STAT5B: variants seen among roughly 807,000 people sequenced by gnomAD.
The protein encoded by STAT5B is transcription factor STAT5B.
Under a neutral mutation model 107.8 loss-of-function variants are expected in STAT5B, and 21 were observed. The observed-to-expected ratio is 0.19, with a 90% confidence interval of 0.14 to 0.28. The LOEUF is 0.28. STAT5B is among the 10% of genes least tolerant of loss of function. STAT5B has a pLI of 1.00. For synonymous variants in STAT5B, 325 were observed against 401.7 expected (o/e 0.81, Z 2.28); for missense variants, 565 against 1,008.2 (o/e 0.56, Z 5.95).
chr17:42,264,462 G>GT, intron 1 of STAT5B, among the ~76,000 whole-genome samples: 1 of 149,506 alleles, frequency 6.7e-6, no homozygotes, highest in Non-Finnish European at 1.5e-5. Context: ...GTGGTGTTTG[G>GT]TTTTTTGTTC....
intron 11 of STAT5B, 38 bp downstream of exon 11, chr17:42,217,122 C>G (rs1420968702): frequency 1.9e-6 from 3 of 1,592,264 alleles, no homozygotes; most frequent in Non-Finnish European, 2.6e-6. Flanking sequence ...CACACACACA[C>G]ACGCACACGC....
upstream of STAT5B, among the ~76,000 whole-genome samples, chr17:42,279,191 A>G (rs1455768536): frequency 7.2e-6 from 1 of 138,024 alleles, no homozygotes; most frequent in African/African-American, 2.8e-5. Flanking sequence ...TCAAAAAAAG[A>G]AAAAAAAAAA....
At chr17:42,262,934 GTATATATA>G (rs1177579162) in intron 1 of STAT5B, among the ~76,000 whole-genome samples, 18 of 36,820 alleles carry the variant, frequency 4.9e-4, no homozygotes, top group African/African-American at 1.6e-3. Context: ...ATATATATAT[GTATATATA>G]TGTGTGTGTG....
chr17:42,213,351 C>T (rs1464738082), intron 12 of STAT5B, among the ~76,000 whole-genome samples: 2 of 151,978 alleles, frequency 1.3e-5, no homozygotes, highest in African/African-American at 2.4e-5. Context: ...GGACTACAGG[C>T]GTGCACCACC....
At chr17:42,211,037 C>T (rs577707138) in intron 13 of STAT5B, among the ~76,000 whole-genome samples, 1 of 151,638 alleles carries the variant, frequency 6.6e-6, no homozygotes, top group South Asian at 2.1e-4. Flanking sequence ...CCCGTCTCTA[C>T]TAAAAATACA....
chr17:42,253,873 C>A (rs1406448195), intron 1 of STAT5B, among the ~76,000 whole-genome samples: 1 of 152,140 alleles, frequency 6.6e-6, no homozygotes, highest in Non-Finnish European at 1.5e-5. Context: ...GTCAATACTT[C>A]TGTCTCTGGC....
Position 42,216,016 on chromosome 17 carries a change from G to C in STAT5B, c.1471C>G (p.Pro491Ala). 1.9e-6 allele frequency: 3 copies of C among 1,613,948 alleles called. No individual in the cohort carries two copies. The highest frequency in any genetic ancestry group is 2.5e-6 in the Non-Finnish European group (3 of 1,179,942). ...TVLWDNAFAEPGRVPFAVPDK... is the reference protein window; with the variant it reads ...TVLWDNAFAEAGRVPFAVPDK... ...ACATGCCCGAGGAATACACTCACAG[G>C]CTCTGCAAAAGCATTGTCCCAGAGA... The change falls in exon 12 of 19, where the codon CCT becomes GCT. Residue 491 changes from proline (P) to alanine (A), a missense_variant and splice_region_variant. By Grantham distance (27) the Pro-to-Ala change is conservative. Coordinates refer to ENST00000293328, the MANE Select transcript of STAT5B (RefSeq NM_012448.4).
the STAT5B span, among the ~76,000 whole-genome samples, chr17:42,282,309 T>C: frequency 3.3e-5 from 5 of 150,718 alleles, no homozygotes; most frequent in Admixed American, 2.0e-4. Flanking sequence ...GCACCTACAA[T>C]GCACCAGCCA....
intron 16 of STAT5B, among the ~76,000 whole-genome samples, chr17:42,204,772 G>C (rs2080072809): frequency 6.6e-6 from 1 of 152,190 alleles, no homozygotes. Context: ...GCGCCACCAA[G>C]CGCAGCTAAC....
chr17:42,223,543 G>A lies in STAT5B; in HGVS notation c.389C>T (p.Ala130Val), dbSNP rs2277619. The change falls in exon 5 of 19, where the codon GCT (alanine) becomes GTT (valine). Residue 130 changes from alanine (A) to valine (V), a missense_variant. Physicochemically the swap from Ala to Val is moderately conservative, Grantham distance 64. This residue lies in a region of STAT5B where 54 missense variants were observed against 49.7 expected (regional missense o/e 1.09). Coordinates refer to ENST00000293328, the MANE Select transcript of STAT5B (RefSeq NM_012448.4). ...VREANNGSSPAGSLADAMSQK... is the reference protein window; with the variant it reads ...VREANNGSSPVGSLADAMSQK... The stretch of plus-strand genomic sequence containing the variant: ...GGACATGGCATCAGCAAGGCTTCCA[G>A]CTGGAGAGCTACCCTGGGAACATAT... 2.5e-4 allele frequency: 403 copies of A among 1,614,154 alleles called. 1 individual carries two copies. The East Asian group carries it at 8.8e-3, about 35-fold the overall frequency.
chr17:42,282,533 C>G, the STAT5B span, among the ~76,000 whole-genome samples: 7,022 of 152,130 alleles, frequency 0.046, 496 homozygotes, highest in African/African-American at 0.16. Context: ...CATGCTGAGT[C>G]TGTGCTGGCT....
intron 1 of STAT5B, among the ~76,000 whole-genome samples, chr17:42,251,394 G>C (rs2080498478): frequency 6.6e-6 from 1 of 152,080 alleles, no homozygotes; most frequent in Admixed American, 6.6e-5. Context: ...ATTCCTTAAG[G>C]GGCTTCCATT....
intron 1 of STAT5B, among the ~76,000 whole-genome samples, chr17:42,238,457 T>C (rs1320381029): frequency 6.8e-6 from 1 of 146,388 alleles, no homozygotes; most frequent in Non-Finnish European, 1.5e-5. Context: ...TGGCCTTTTT[T>C]TTTTTTTTTT....
chr17:42,279,793 C>T (rs2144460077), upstream of STAT5B, among the ~76,000 whole-genome samples: 1 of 148,732 alleles, frequency 6.7e-6, no homozygotes. Flanking sequence ...AAGAGCAAAA[C>T]TCCATCTCAG....
At chr17:42,261,942 C>T (rs1029617186) in intron 1 of STAT5B, among the ~76,000 whole-genome samples, 13 of 152,124 alleles carry the variant, frequency 8.5e-5, no homozygotes, top group African/African-American at 3.1e-4. Context: ...TCAAGCAATC[C>T]TTCCCCCTCA....
upstream of STAT5B, among the ~76,000 whole-genome samples, chr17:42,279,426 C>T (rs1400259592): frequency 6.6e-6 from 1 of 152,228 alleles, no homozygotes; most frequent in Non-Finnish European, 1.5e-5. Flanking sequence ...GAATACTCCT[C>T]TTCCCAAGAC....
intron 13 of STAT5B, chr17:42,210,733 T>C (rs1240394678): frequency 1.9e-6 from 1 of 521,640 alleles, no homozygotes; most frequent in African/African-American, 1.9e-5. Context: ...TACAGACACT[T>C]TCACCTGGGA....
intron 1 of STAT5B, among the ~76,000 whole-genome samples, chr17:42,240,455 G>T (rs541255096): frequency 1.3e-5 from 2 of 152,118 alleles, no homozygotes; most frequent in Admixed American, 6.6e-5. Context: ...CCATAGAGAC[G>T]GAAAATAGAT....
chr17:42,256,094 G>A (rs1689492832), intron 1 of STAT5B, among the ~76,000 whole-genome samples: 1 of 152,088 alleles, frequency 6.6e-6, no homozygotes, highest in Non-Finnish European at 1.5e-5. Flanking sequence ...GTTAAAAATG[G>A]TAAATTTTAT....
Sources: gnomAD v4.1 joint callset for allele counts (sites outside exome capture counted in the v4.1 genomes callset) on GRCh38, gnomAD v4.1.1 for gene constraint, gnomAD v4.1.1 regional missense constraint, MANE v1.5 for transcripts, NCBI Gene and HGNC (gene_info 2026-07-23, HGNC 2026-07-21) for gene names.